Variants in DGCR2 observed in about 807,000 individuals in gnomAD.
DGCR2 encodes integral membrane protein DGCR2/IDD.
DGCR2 carries 24 observed loss-of-function variants against 51.6 expected under a neutral mutation model. The ratio of observed to expected loss-of-function variants is 0.47; its 90% CI spans 0.34 to 0.65. The LOEUF (loss-of-function observed/expected upper bound fraction) is 0.65, where lower values mean the gene tolerates loss of function less well. DGCR2 is among the 30% of genes least tolerant of loss of function. The pLI is 0.01. For synonymous variants in DGCR2, 340 were observed against 315.4 expected, an observed-to-expected ratio of 1.08 and a Z score of -0.82; for missense variants, 765 against 772.1, an observed-to-expected ratio of 0.99 and a Z score of 0.11.
At chr22:19,094,296 C>T (rs1398025182) in intron 1 of DGCR2, among the ~76,000 whole-genome samples, 4 of 152,284 alleles carry the variant, frequency 2.6e-5, no homozygotes, top group Non-Finnish European at 4.4e-5. Flanking sequence ...GGTGCGGTGG[C>T]GGGCGCCTGT....
intron 5 of DGCR2, among the ~76,000 whole-genome samples, chr22:19,062,776 C>CTCTCTCTCTCTTCTCTCTTCTCTCT (rs2082687164): frequency 8.1e-6 from 1 of 123,202 alleles, no homozygotes; most frequent in Admixed American, 8.3e-5. Context: ...CACATGCATG[C>CTCTCTCTCTCTTCTCTCTTCTCTCT]TCACTCTCTC....
chr22:19,064,032 C>T (rs1261475637), intron 4 of DGCR2, among the ~76,000 whole-genome samples: 1 of 152,232 alleles, frequency 6.6e-6, no homozygotes, highest in Non-Finnish European at 1.5e-5. Flanking sequence ...CCTGAGCATG[C>T]AGGCCTAGCA....
chr22:19,121,969 G>T (rs1042488367), intron 1 of DGCR2, 159 bp downstream of exon 1: 18 of 338,936 alleles, frequency 5.3e-5, no homozygotes, highest in Admixed American at 1.0e-4. Flanking sequence ...TCCAGCAGGC[G>T]TCCGCAGAGA....
chr22:19,053,472 AG>A (rs1194435777), intron 6 of DGCR2, among the ~76,000 whole-genome samples: 2 of 152,128 alleles, frequency 1.3e-5, no homozygotes, highest in African/African-American at 2.4e-5. Context: ...CGAAAGCCTG[AG>A]GTGCACTGAG....
intron 2 of DGCR2, among the ~76,000 whole-genome samples, chr22:19,070,456 T>C (rs994214893): frequency 6.6e-6 from 1 of 152,190 alleles, no homozygotes; most frequent in Non-Finnish European, 1.5e-5. Context: ...CTTTGTATCC[T>C]GGCCTCTTCC....
At chr22:19,042,262 C>A (rs941467732) in intron 7 of DGCR2, among the ~76,000 whole-genome samples, 1 of 152,182 alleles carries the variant, frequency 6.6e-6, no homozygotes, top group African/African-American at 2.4e-5. Flanking sequence ...TGTCCTAGGA[C>A]TAGCACTCCT....
At chr22:19,088,048 C>G (rs1310723245) in intron 2 of DGCR2, among the ~76,000 whole-genome samples, 1 of 152,106 alleles carries the variant, frequency 6.6e-6, no homozygotes, top group Non-Finnish European at 1.5e-5. Flanking sequence ...ATTTTGGAAC[C>G]CCCCCTCAAA....
At chr22:19,062,779 ACTCTCTCT>A (rs11471797) in intron 5 of DGCR2, among the ~76,000 whole-genome samples, 16 of 127,456 alleles carry the variant, frequency 1.3e-4, no homozygotes, top group South Asian at 2.9e-4. Flanking sequence ...ATGCATGCTC[ACTCTCTCT>A]CTCTCTCTCT....
intron 1 of DGCR2, among the ~76,000 whole-genome samples, chr22:19,118,281 GA>G (rs544105525): frequency 1.9e-3 from 270 of 142,674 alleles, no homozygotes; most frequent in African/African-American, 6.5e-3. Context: ...TGACACAGGA[GA>G]ATTACTTGAA....
chr22:19,119,404 G>A (rs1271760218), intron 1 of DGCR2, among the ~76,000 whole-genome samples: 1 of 152,030 alleles, frequency 6.6e-6, no homozygotes, highest in Admixed American at 6.6e-5. Context: ...AACAGTGTCC[G>A]GCACATGACA....
At chr22:19,099,970 T>A (rs1305739028) in intron 1 of DGCR2, among the ~76,000 whole-genome samples, 7 of 140,908 alleles carry the variant, frequency 5.0e-5, no homozygotes, top group South Asian at 4.5e-4. Context: ...ATTCTGTCTT[T>A]AAAAAAAAAA....
chr22:19,073,970 AC>A (rs1246347653), intron 2 of DGCR2, among the ~76,000 whole-genome samples: 8 of 152,184 alleles, frequency 5.3e-5, no homozygotes, highest in Non-Finnish European at 1.2e-4. Flanking sequence ...GGTGAGGACC[AC>A]CAGGGGCGTC....
At chr22:19,062,775 G>GCTCTCTCTCTCCTCTCTCT (rs1491258740) in intron 5 of DGCR2, among the ~76,000 whole-genome samples, 1 of 108,860 alleles carries the variant, frequency 9.2e-6, no homozygotes. Context: ...ACACATGCAT[G>GCTCTCTCTCTCCTCTCTCT]CTCACTCTCT....
At chr22:19,098,788 C>A (rs1399541163) in intron 1 of DGCR2, among the ~76,000 whole-genome samples, 1 of 152,110 alleles carries the variant, frequency 6.6e-6, no homozygotes, top group African/African-American at 2.4e-5. Flanking sequence ...AAGACAAGGT[C>A]TTGCTATGTT....
At chr22:19,062,504 C>A (rs1240968579) in intron 5 of DGCR2, among the ~76,000 whole-genome samples, 2 of 152,270 alleles carry the variant, frequency 1.3e-5, no homozygotes, top group East Asian at 3.9e-4. Context: ...CGAAAAGAAC[C>A]CAAATCCTAG....
intron 1 of DGCR2, among the ~76,000 whole-genome samples, chr22:19,113,856 T>A (rs987916317): frequency 1.7e-4 from 26 of 152,032 alleles, no homozygotes; most frequent in Non-Finnish European, 3.8e-4. Flanking sequence ...GTTGGGAGTT[T>A]GAGACCAGCC....
intron 2 of DGCR2, among the ~76,000 whole-genome samples, chr22:19,068,597 A>C (rs922448878): frequency 5.3e-5 from 8 of 152,200 alleles, no homozygotes; most frequent in African/African-American, 1.9e-4. Flanking sequence ...TCCAGAGCCC[A>C]GGCTGCCCCT....
chr22:19,052,818 T>C (rs1474809662), intron 6 of DGCR2, among the ~76,000 whole-genome samples: 2 of 152,064 alleles, frequency 1.3e-5, no homozygotes, highest in African/African-American at 4.8e-5. Flanking sequence ...AAGTAACAAT[T>C]TGGATGACTC....
At chr22:19,092,403 G>C (rs117135183) in intron 1 of DGCR2, among the ~76,000 whole-genome samples, 1,983 of 151,966 alleles carry the variant, frequency 0.013, 37 homozygotes, top group South Asian at 0.058. Flanking sequence ...TCCAGAGAAA[G>C]TATAAAGGCT....
Sources: allele counts gnomAD v4.1 joint callset (sites outside exome capture counted in the v4.1 genomes callset), GRCh38; gene constraint gnomAD v4.1.1; transcripts MANE v1.5; gene names NCBI Gene and HGNC (gene_info 2026-07-23, HGNC 2026-07-21).